The following NRG3 variants were observed in gnomAD, a reference collection of about 807,000 sequenced individuals.
NRG3 encodes the protein pro-neuregulin-3, membrane-bound isoform.
In NRG3, 31 loss-of-function variants were observed where a neutral mutation model predicts 66.9. The ratio of observed to expected loss-of-function variants is 0.46; its 90% CI spans 0.35 to 0.63. The LOEUF (loss-of-function observed/expected upper bound fraction) is 0.63. Ranked by LOEUF, NRG3 falls within the 20% of genes least tolerant of loss-of-function variation. NRG3 has a pLI of 0.00. For missense variants in NRG3, 910 were observed against 878.9 expected, an observed-to-expected ratio of 1.04 and a Z score of -0.45; for synonymous variants, 393 against 359.4, an observed-to-expected ratio of 1.09 and a Z score of -1.06.
At chr10:82,692,985 G>C (rs191617244) in intron 2 of NRG3, among the ~76,000 whole-genome samples, 372 of 152,196 alleles carry the variant, frequency 2.4e-3, no homozygotes, top group Non-Finnish European at 3.5e-3. Flanking sequence ...CTTATAGATG[G>C]GCCGCCCCTC....
chr10:82,187,687 G>C (rs1190411936), intron 1 of NRG3, among the ~76,000 whole-genome samples: 2 of 152,184 alleles, frequency 1.3e-5, no homozygotes, highest in East Asian at 3.9e-4. Flanking sequence ...TCAACATTGA[G>C]GCTCACCAGA....
intron 1 of NRG3, among the ~76,000 whole-genome samples, chr10:82,298,162 G>A (rs2080180195): frequency 6.8e-6 from 1 of 147,354 alleles, no homozygotes. Flanking sequence ...AAGAAAGAAA[G>A]AGAGAGGGAG....
chr10:82,484,943 G>T lies in NRG3; in HGVS notation c.953+126075G>T, dbSNP rs568508932. On this transcript the variant is annotated intron_variant, in intron 2 of 8. Coordinates refer to ENST00000372141, the MANE Select transcript of NRG3 (RefSeq NM_001010848.4). The stretch of plus-strand genomic sequence containing the variant: ...GCTTTTTCCAGAATACTCACTACTA[G>T]TGACTAACACTTTTTAGTGTTAACC... Among the ~76,000 whole-genome samples the T allele has an allele frequency of 5.3e-5, 8 of 152,278 alleles. No homozygotes were observed. The South Asian group carries it at 1.7e-3, about 32-fold the overall frequency.
chr10:82,213,679 A>C (rs1015215350), intron 1 of NRG3, among the ~76,000 whole-genome samples: 23 of 152,242 alleles, frequency 1.5e-4, no homozygotes, highest in Admixed American at 1.5e-3. Context: ...TGTGTATCCC[A>C]GCATTTTAAA....
chr10:82,548,391 G>A (rs1040644666), intron 2 of NRG3, among the ~76,000 whole-genome samples: 1 of 151,922 alleles, frequency 6.6e-6, no homozygotes, highest in Admixed American at 6.6e-5. Context: ...TGGTTCAATG[G>A]CATAATAGAT....
chr10:81,957,757 T>C (rs766235407), intron 1 of NRG3, among the ~76,000 whole-genome samples: 2 of 152,204 alleles, frequency 1.3e-5, no homozygotes, highest in Non-Finnish European at 2.9e-5. Flanking sequence ...ACTTGATAAA[T>C]GATTCAACTT....
chr10:82,115,377 A>G (rs2067645073), intron 1 of NRG3, among the ~76,000 whole-genome samples: 1 of 152,174 alleles, frequency 6.6e-6, no homozygotes, highest in Admixed American at 6.5e-5. Context: ...GTAGTCAACT[A>G]TAGACACCAT....
chr10:81,898,578 A>G (rs1843734893), intron 1 of NRG3, among the ~76,000 whole-genome samples: 1 of 152,232 alleles, frequency 6.6e-6, no homozygotes, highest in African/African-American at 2.4e-5. Context: ...TATTAAAGGC[A>G]GGGTGACATG....
rs141809393 is a variant in NRG3, at chr10:82,972,070, T to C, written c.1285-1718T>C. On this transcript the variant is annotated intron_variant, in intron 6 of 8. Transcript: ENST00000372141. ...CATCCACAGTTTTTATCATCACTGATAGTTTCACACTTATTCCTGTCACAT... is the reference window on the plus strand; with the variant it reads ...CATCCACAGTTTTTATCATCACTGACAGTTTCACACTTATTCCTGTCACAT... Among the ~76,000 whole-genome samples, 4 of 152,270 alleles carry C rather than the reference T, an allele frequency of 2.6e-5. No homozygotes were observed. The East Asian group carries it at 7.7e-4, about 29-fold the overall frequency.
At chr10:82,629,305 A>G (rs2049647243) in intron 2 of NRG3, among the ~76,000 whole-genome samples, 1 of 152,230 alleles carries the variant, frequency 6.6e-6, no homozygotes, top group South Asian at 2.1e-4. Context: ...GACTTAAATA[A>G]GTTTCTTTAG....
intron 2 of NRG3, among the ~76,000 whole-genome samples, chr10:82,461,540 A>C (rs765321644): frequency 6.6e-6 from 1 of 152,210 alleles, no homozygotes; most frequent in Non-Finnish European, 1.5e-5. Context: ...GAATCCTATA[A>C]AATACAGCTC....
At chr10:82,612,698 G>A (rs1277810219) in intron 2 of NRG3, among the ~76,000 whole-genome samples, 1 of 152,024 alleles carries the variant, frequency 6.6e-6, no homozygotes, top group African/African-American at 2.4e-5. Context: ...AGTTTCCCAG[G>A]TTCCTTTAAA....
intron 1 of NRG3, among the ~76,000 whole-genome samples, chr10:82,043,367 A>G (rs1211351824): frequency 6.6e-6 from 1 of 152,110 alleles, no homozygotes; most frequent in Non-Finnish European, 1.5e-5. Flanking sequence ...GGCTCAGAAT[A>G]AAACTTTTTT....
At chr10:82,866,668 A>G (rs555457) in intron 4 of NRG3, among the ~76,000 whole-genome samples, 111,514 of 151,400 alleles carry the variant, frequency 0.74, 41,576 homozygotes, top group African/African-American at 0.86. Context: ...AGATAGTTGT[A>G]GAAGGAAGTG....
At position 82,181,362 on chromosome 10, in the gene NRG3, T is replaced by TTTAAGATCTTTCTTC. The variant is rs568238400; in HGVS notation, c.824-177374_824-177360dup. On this transcript the variant is annotated intron_variant, in intron 1 of 8. Transcript: ENST00000372141. ...TTGATTATTTGAGATCTTTCTCCTT[T>TTTAAGATCTTTCTTC]TTAAGATCTTTCTTCTTTTTTAATG... 1.7e-4 allele frequency among the ~76,000 whole-genome samples: 26 copies of TTTAAGATCTTTCTTC among 151,884 alleles called. No individual in the cohort carries two copies. In the South Asian group the frequency reaches 5.4e-3, roughly 31 times the overall value.
chr10:82,548,237 C>A (rs946262886), intron 2 of NRG3, among the ~76,000 whole-genome samples: 1 of 151,816 alleles, frequency 6.6e-6, no homozygotes, highest in Non-Finnish European at 1.5e-5. Flanking sequence ...TTTTTGGATA[C>A]CTTAAAAGAC....
intron 1 of NRG3, among the ~76,000 whole-genome samples, chr10:82,240,629 T>G (rs17730819): frequency 0.14 from 20,712 of 152,108 alleles, 1,499 homozygotes; most frequent in African/African-American, 0.15. Context: ...ATGGCCTCAA[T>G]TGAAATGCTT....
intron 2 of NRG3, among the ~76,000 whole-genome samples, chr10:82,393,090 T>C (rs1014839176): frequency 6.6e-6 from 1 of 152,160 alleles, no homozygotes; most frequent in Non-Finnish European, 1.5e-5. Context: ...GGTTTGTCTA[T>C]ACTTCCAAAC....
chr10:82,245,198 A>G (rs2077181514), intron 1 of NRG3, among the ~76,000 whole-genome samples: 1 of 152,132 alleles, frequency 6.6e-6, no homozygotes, highest in Non-Finnish European at 1.5e-5. Flanking sequence ...ACAGATTATG[A>G]GGCATTAGAT....
Sources: gnomAD v4.1 joint callset for allele counts (sites outside exome capture counted in the v4.1 genomes callset) on GRCh38, gnomAD v4.1.1 for gene constraint, MANE v1.5 for transcripts, NCBI Gene and HGNC (gene_info 2026-07-23, HGNC 2026-07-21) for gene names.